The following PIEZO2 variants were observed in gnomAD, a reference collection of about 807,000 sequenced individuals.
PIEZO2 encodes piezo-type mechanosensitive ion channel component 2.
Under a neutral mutation model 337.3 loss-of-function variants are expected in PIEZO2, and 172 were observed. That is an observed-to-expected ratio of 0.51 (90% CI 0.45 to 0.58). The LOEUF is 0.58. Ranked by LOEUF, PIEZO2 falls within the 20% of genes least tolerant of loss-of-function variation. The probability of loss-of-function intolerance (pLI) is 0.00; values close to 1 mark genes in which losing one functional copy is unlikely to be tolerated. For missense variants in PIEZO2, 3,028 were observed against 3,391.3 expected (o/e 0.89, Z 2.66); for synonymous variants, 1,251 against 1,228.5 (o/e 1.02, Z -0.38).
chr18:11,089,482 A>C (rs55805539), intron 1 of PIEZO2, among the ~76,000 whole-genome samples: 26,073 of 152,128 alleles, frequency 0.17, 2,382 homozygotes, highest in Non-Finnish European at 0.2. Context: ...AAACTCTTGA[A>C]ATTTGTTTTA....
At chr18:10,880,900 T>TAA (rs1568159766) in intron 4 of PIEZO2, among the ~76,000 whole-genome samples, 9 of 91,314 alleles carry the variant, frequency 9.9e-5, no homozygotes, top group East Asian at 3.2e-4. Context: ...TATATATATA[T>TAA]AATTTTGATA....
chr18:10,752,677 C>A lies in PIEZO2; in HGVS notation c.4126G>T (p.Ala1376Ser). ...SILRYWDWLI[A>S]YNVFVITMKN... Reference sequence around the variant, plus strand: ...ATCGTAATCACAAAAACGTTGTATGCGATCAGCCAGTCCCAGTAGCGCAGG... The same window carrying A: ...ATCGTAATCACAAAAACGTTGTATGAGATCAGCCAGTCCCAGTAGCGCAGG... The change falls in exon 28 of 56, where the codon GCA (alanine) becomes TCA (serine). Residue 1376 changes from alanine to serine, a missense_variant. Ala to Ser is a moderately conservative substitution (Grantham distance 99). Transcript: ENST00000674853. 5.9e-6 allele frequency: 9 copies of A among 1,537,172 alleles called. No homozygotes were observed. The highest frequency in any genetic ancestry group is 7.8e-6 in the Non-Finnish European group (9 of 1,146,874).
Position 10,871,495 on chromosome 18 carries a change from G to A in PIEZO2, c.330-80C>T, listed in dbSNP as rs558620869. On this transcript the variant is annotated intron_variant, in intron 4 of 55. Transcript: ENST00000674853. The stretch of plus-strand genomic sequence containing the variant: ...GTTAAACTGCCTTATAGGATGTTTT[G>A]GTCTTCTTAATGATTTAAAATAAAA... 4 of 1,304,600 alleles carry A rather than the reference G, an allele frequency of 3.1e-6. No individual in the cohort carries two copies. In the African/African-American group the frequency reaches 4.5e-5, roughly 15 times the overall value. The allele number at this position is 1,304,600 out of a possible 1,614,324, so 80.8% of individuals were successfully genotyped here.
intron 13 of PIEZO2, among the ~76,000 whole-genome samples, chr18:10,793,051 C>A (rs1004737614): frequency 2.0e-5 from 3 of 152,064 alleles, no homozygotes; most frequent in Non-Finnish European, 2.9e-5. Flanking sequence ...ATCAGGAGAT[C>A]GAGACCATCC....
At chr18:10,827,465 C>T (rs2040709376) in intron 7 of PIEZO2, among the ~76,000 whole-genome samples, 1 of 152,074 alleles carries the variant, frequency 6.6e-6, no homozygotes. Flanking sequence ...TAATCAAAAT[C>T]AACCCAATTT....
chr18:10,902,606 T>C (rs897050075), intron 4 of PIEZO2, among the ~76,000 whole-genome samples: 3 of 152,218 alleles, frequency 2.0e-5, no homozygotes, highest in Admixed American at 6.5e-5. Flanking sequence ...AGGTGTATAA[T>C]TGGTAATTAA....
rs1208879724 is a variant in PIEZO2, at chr18:10,766,519, T to C, written c.2947-3421A>G. Among the ~76,000 whole-genome samples, 1 of 152,184 alleles carries C rather than the reference T, an allele frequency of 6.6e-6. No homozygotes were observed. Among genetic ancestry groups the C allele is most frequent in the African/African-American group, 2.4e-5 (1 of 41,446 alleles). On this transcript the variant is annotated intron_variant, in intron 21 of 55. Coordinates refer to ENST00000674853, the MANE Select transcript of PIEZO2 (RefSeq NM_001378183.1). This position sits in a 1 kb window ranked among gnomAD's most constrained non-coding sequence, Gnocchi z 6.1. ...TTCCCAAAAAAGCCCTGTACACAGGTTGTCATCCTATCTGAATATAACCTT... is the reference window on the plus strand; with the variant it reads ...TTCCCAAAAAAGCCCTGTACACAGGCTGTCATCCTATCTGAATATAACCTT...
Position 10,748,755 on chromosome 18 carries a change from T to G in PIEZO2, c.4265-125A>C, listed in dbSNP as rs2037525655. 2 of 850,562 alleles carry G rather than the reference T, an allele frequency of 2.4e-6. No individual in the cohort carries two copies. Among genetic ancestry groups the G allele is most frequent in the East Asian group, 5.7e-5 (2 of 34,796 alleles). 52.7% of individuals were successfully genotyped at this position (850,562 alleles called of 1,614,324 possible). On this transcript the variant is annotated intron_variant, in intron 29 of 55. Coordinates refer to ENST00000674853, the MANE Select transcript of PIEZO2 (RefSeq NM_001378183.1). This position sits in a 1 kb window ranked among gnomAD's most constrained non-coding sequence, Gnocchi z 5.1. ...AAAAGCAGCATTCTGATGCTCTGAC[T>G]TACTTATGAGTTGATTTATTTACAA...
At chr18:10,718,315 C>T in intron 36 of PIEZO2, 56 bp from the exon 37 acceptor site, 3 of 1,357,026 alleles carry the variant, frequency 2.2e-6, no homozygotes, top group Non-Finnish European at 2.0e-6. Flanking sequence ...AAATTAAATG[C>T]CAATGTTACT....
intron 7 of PIEZO2, among the ~76,000 whole-genome samples, chr18:10,822,427 G>A (rs2040545139): frequency 6.6e-6 from 1 of 152,196 alleles, no homozygotes; most frequent in Non-Finnish European, 1.5e-5. Context: ...TTTCCAGGGT[G>A]GTGATGGCTA....
intron 34 of PIEZO2, among the ~76,000 whole-genome samples, 192 bp downstream of exon 34, chr18:10,736,412 T>C (rs1186952674): frequency 6.6e-6 from 1 of 152,182 alleles, no homozygotes; most frequent in African/African-American, 2.4e-5. Context: ...TCTTGCTTGA[T>C]ACTAATTACG....
At chr18:10,717,503 G>A (rs1259925815) in intron 37 of PIEZO2, among the ~76,000 whole-genome samples, 2 of 152,302 alleles carry the variant, frequency 1.3e-5, no homozygotes, top group Admixed American at 6.5e-5. Context: ...AGAGATAACC[G>A]CATAGGCGCT....
At chr18:11,042,047 C>T (rs2037142017) in intron 2 of PIEZO2, among the ~76,000 whole-genome samples, 1 of 152,208 alleles carries the variant, frequency 6.6e-6, no homozygotes, top group Admixed American at 6.5e-5. Context: ...GCCAAATCAT[C>T]TCTCTGGTAA....
At chr18:10,810,125 AC>A (rs1433842602) in intron 7 of PIEZO2, among the ~76,000 whole-genome samples, 3 of 152,158 alleles carry the variant, frequency 2.0e-5, no homozygotes, top group African/African-American at 7.2e-5. Flanking sequence ...CTGAGCTTTC[AC>A]TTCCTAATAA....
chr18:10,912,754 A>G (rs1308986817), intron 3 of PIEZO2, among the ~76,000 whole-genome samples: 4 of 152,202 alleles, frequency 2.6e-5, no homozygotes, highest in African/African-American at 7.2e-5. Flanking sequence ...ACTAGTCCCA[A>G]GAGATCATGA....
In PIEZO2 at chr18:10,887,065, C is replaced by CT. The variant is rs143421507; in HGVS notation, c.330-15651dup. Among the ~76,000 whole-genome samples, 761 of 91,398 alleles carry CT rather than the reference C, an allele frequency of 8.3e-3. 28 individuals are homozygous for CT. Among genetic ancestry groups the CT allele is most frequent in the South Asian group, 0.029 (67 of 2,296 alleles). 60.0% of individuals were successfully genotyped at this position (91,398 alleles called of 152,430 possible). On this transcript the variant is annotated intron_variant, in intron 4 of 55. Transcript: ENST00000674853. ...TGTGGGAGAGTGGGGAGGTGACACA[C>CT]TTTTTTTTTTTTTTTTTTTTTTGAG...
rs1215600124 is a variant in PIEZO2, at chr18:10,673,348, C to T, written c.8162-475G>A. ...TATCTCCATGGGAAAAGACTGTATA[C>T]ACAAGCACAATTTATGGGCACATGA... On this transcript the variant is annotated intron_variant, in intron 54 of 55. Coordinates refer to ENST00000674853, the MANE Select transcript of PIEZO2 (RefSeq NM_001378183.1). The surrounding 1 kb of genome is among the most constrained non-coding windows in gnomAD (Gnocchi z 4.8). 6.6e-6 allele frequency among the ~76,000 whole-genome samples: 1 copy of T among 152,182 alleles called. No homozygotes were observed. The highest frequency in any genetic ancestry group is 1.5e-5 in the Non-Finnish European group (1 of 68,032).
intron 1 of PIEZO2, among the ~76,000 whole-genome samples, chr18:11,072,855 G>A (rs972971540): frequency 6.6e-6 from 1 of 152,136 alleles, no homozygotes; most frequent in African/African-American, 2.4e-5. Context: ...GCCGGGCTAG[G>A]ATTACAGGTA....
rs2039416671 is a variant in PIEZO2, at chr18:11,101,475, A to G, written c.65-35253T>C. Among the ~76,000 whole-genome samples, 1 of 152,254 alleles carries G rather than the reference A, an allele frequency of 6.6e-6. No homozygotes were observed. The highest frequency in any genetic ancestry group is 1.5e-5 in the Non-Finnish European group (1 of 68,042). ...CATGTACCATTTTATACAAGAGACC[A>G]TCTATTATAAAACACAACATTATTT... On this transcript the variant is annotated intron_variant, in intron 1 of 55. Coordinates refer to ENST00000674853, the MANE Select transcript of PIEZO2 (RefSeq NM_001378183.1). This position sits in a 1 kb window ranked among gnomAD's most constrained non-coding sequence, Gnocchi z 4.4.
Sources: gnomAD v4.1 joint callset for allele counts (sites outside exome capture counted in the v4.1 genomes callset) on GRCh38, gnomAD v4.1.1 for gene constraint, Gnocchi (gnomAD v3.1) non-coding constraint, MANE v1.5 for transcripts, NCBI Gene and HGNC (gene_info 2026-07-23, HGNC 2026-07-21) for gene names.